UNC5A: variants seen among roughly 807,000 people sequenced by gnomAD.
UNC5A encodes the protein unc-5 netrin receptor A.
A neutral mutation model predicts 87.4 loss-of-function variants in UNC5A; 20 were observed. That is an observed-to-expected ratio of 0.23 (90% CI 0.16 to 0.33). The LOEUF is 0.33. Among genes scored for constraint, UNC5A ranks in the 10% least tolerant of loss-of-function variants. The probability of loss-of-function intolerance (pLI) is 1.00; values close to 1 mark genes in which losing one functional copy is unlikely to be tolerated. For synonymous variants in UNC5A, 438 were observed against 482.3 expected, an observed-to-expected ratio of 0.91 and a Z score of 1.20; for missense variants, 844 against 1,133.4, an observed-to-expected ratio of 0.74 and a Z score of 3.67.
intron 2 of UNC5A, 52 bp downstream of exon 2, chr5:176,862,897 G>A: frequency 6.2e-7 from 1 of 1,600,192 alleles, no homozygotes. Context: ...GCGAGTTTCG[G>A]CCCCCCCAGA....
intron 2 of UNC5A, among the ~76,000 whole-genome samples, chr5:176,863,225 T>A (rs1399815815): frequency 6.6e-6 from 1 of 151,544 alleles, no homozygotes; most frequent in Non-Finnish European, 1.5e-5. Context: ...GGAGGTGATG[T>A]GTTAACTGAG....
intron 2 of UNC5A, among the ~76,000 whole-genome samples, chr5:176,867,063 C>T (rs942615832): frequency 2.0e-5 from 3 of 152,090 alleles, no homozygotes; most frequent in African/African-American, 7.2e-5. Flanking sequence ...CTCAGCTGGG[C>T]GGCCGCTCTT....
At position 176,875,495 on chromosome 5, in the gene UNC5A, G is replaced by T. The variant is rs988297164; in HGVS notation, c.1378+929G>T. Among the ~76,000 whole-genome samples, 2 of 152,012 alleles carry T rather than the reference G, an allele frequency of 1.3e-5. No individual in the cohort carries two copies. The highest frequency in any genetic ancestry group is 4.8e-5 in the African/African-American group (2 of 41,384). ...CCCCGCCAGCTTCAGTCCCACGCCA[G>T]TCCCTCCTCAATAGCTCCTGCCACC... On this transcript the variant is annotated intron_variant, in intron 8 of 14. Transcript: ENST00000329542. The surrounding 1 kb of genome is among the most constrained non-coding windows in gnomAD (Gnocchi z 5.2).
intron 1 of UNC5A, among the ~76,000 whole-genome samples, chr5:176,835,094 G>A (rs757727521): frequency 7.9e-5 from 12 of 152,282 alleles, no homozygotes; most frequent in Admixed American, 2.0e-4. Context: ...TCTGCAGGCA[G>A]CGAGGCCAGG....
chr5:176,845,570 A>G (rs1037431690), intron 1 of UNC5A, among the ~76,000 whole-genome samples: 12 of 152,194 alleles, frequency 7.9e-5, no homozygotes, highest in Admixed American at 6.5e-4. Flanking sequence ...CCTGGCACAG[A>G]GCAAGCCTTC....
chr5:176,851,348 G>A (rs1266865811), intron 1 of UNC5A, among the ~76,000 whole-genome samples: 4 of 152,326 alleles, frequency 2.6e-5, no homozygotes, highest in East Asian at 1.9e-4. Context: ...AAGGGCAGGC[G>A]ACTGTGTAAC....
intron 1 of UNC5A, among the ~76,000 whole-genome samples, chr5:176,833,519 A>G (rs1306110665): frequency 4.6e-5 from 7 of 152,090 alleles, no homozygotes; most frequent in Non-Finnish European, 7.4e-5. Flanking sequence ...TATGTACCAC[A>G]TGTTCTTTAT....
At chr5:176,830,633 TGC>T (rs201471281) in intron 1 of UNC5A, among the ~76,000 whole-genome samples, 2,218 of 134,508 alleles carry the variant, frequency 0.016, 81 homozygotes, top group African/African-American at 0.059. Flanking sequence ...TGTGTGTGTG[TGC>T]GCTGGCGTGT....
chr5:176,822,149 G>A (rs1040466987), intron 1 of UNC5A, among the ~76,000 whole-genome samples: 3 of 152,270 alleles, frequency 2.0e-5, no homozygotes, highest in Non-Finnish European at 4.4e-5. Flanking sequence ...AGGATTAAAC[G>A]AGTCATTCTG....
intron 1 of UNC5A, among the ~76,000 whole-genome samples, chr5:176,846,513 C>A (rs1382135517): frequency 6.6e-6 from 1 of 152,174 alleles, no homozygotes; most frequent in Admixed American, 6.5e-5. Context: ...GCATCTTATA[C>A]AGCTTGGTGA....
chr5:176,864,386 T>C (rs73804254), intron 2 of UNC5A, among the ~76,000 whole-genome samples: 8,195 of 152,224 alleles, frequency 0.054, 377 homozygotes, highest in African/African-American at 0.12. Context: ...GCACTTGCAC[T>C]GTAGGAAGAC....
chr5:176,862,703 C>T lies in UNC5A; in HGVS notation c.150C>T (p.Pro50=), dbSNP rs746458783. The T allele has an allele frequency of 7.4e-6, 12 of 1,613,416 alleles. No homozygotes were observed. The highest frequency in any genetic ancestry group is 2.2e-5 in the South Asian group (2 of 91,082). The part of the protein sequence containing the change: ...PDLLPHFLVE[P]EDVYIVKNKP... Reference sequence around the variant, plus strand: ...TGCTTCCCCACTTCCTGGTGGAGCCCGAGGATGTGTACATCGTCAAGAACA... The same window carrying T: ...TGCTTCCCCACTTCCTGGTGGAGCCTGAGGATGTGTACATCGTCAAGAACA... The change falls in exon 2 of 15, where the codon CCC becomes CCT. Residue 50 remains proline (P), a synonymous_variant. Coordinates refer to ENST00000329542, the MANE Select transcript of UNC5A (RefSeq NM_133369.3).
At chr5:176,830,959 C>T (rs1188683440) in intron 1 of UNC5A, among the ~76,000 whole-genome samples, 3 of 137,794 alleles carry the variant, frequency 2.2e-5, no homozygotes, top group East Asian at 2.2e-4. Flanking sequence ...TATGTGCCGG[C>T]GTGTGTGTGT....
rs35306601 is a variant in UNC5A, at chr5:176,827,179, C to CTTT, written c.70+16378_70+16380dup. ...GAAAGCATGCATCACTGCTTCATTCCTTTTTTTTTTTTTTTTTTTTTGAGA... is the reference window on the plus strand; with the variant it reads ...GAAAGCATGCATCACTGCTTCATTCCTTTTTTTTTTTTTTTTTTTTTTTTGAGA... On this transcript the variant is annotated intron_variant, in intron 1 of 14. Coordinates refer to ENST00000329542, the MANE Select transcript of UNC5A (RefSeq NM_133369.3). Among the ~76,000 whole-genome samples the CTTT allele has an allele frequency of 3.1e-3, 338 of 107,508 alleles. 1 individual carries two copies. The highest frequency in any genetic ancestry group is 3.6e-3 in the Non-Finnish European group (211 of 58,196). 70.5% of individuals were successfully genotyped at this position (107,508 alleles called of 152,430 possible).
At position 176,878,043 on chromosome 5, in the gene UNC5A, G is replaced by T; in HGVS notation, c.1785G>T (p.Leu595=). The T allele has an allele frequency of 6.2e-7, 1 of 1,609,396 alleles. No homozygotes were observed. The change falls in exon 11 of 15, where the codon CTG becomes CTT. Residue 595 remains leucine (L), a synonymous_variant. Transcript: ENST00000329542. ...LSVAAAKRLK[L]LLFAPVACTS... The stretch of plus-strand genomic sequence containing the variant: ...TGGCTGCCGCCAAGCGCCTCAAGCT[G>T]CTTCTGTTTGCGCCGGTGGCCTGCA...
rs746436316 is a variant in UNC5A, at chr5:176,875,266, G to A, written c.1378+700G>A. Reference sequence around the variant, plus strand: ...TCCTTAGCCTGCAGTTCTCCCGGGCGACAGAACTGTACACCCAGCTGCCTC... The same window carrying A: ...TCCTTAGCCTGCAGTTCTCCCGGGCAACAGAACTGTACACCCAGCTGCCTC... On this transcript the variant is annotated intron_variant, in intron 8 of 14. Transcript: ENST00000329542. This position sits in a 1 kb window ranked among gnomAD's most constrained non-coding sequence, Gnocchi z 5.2. Among the ~76,000 whole-genome samples the A allele has an allele frequency of 5.9e-5, 9 of 152,096 alleles. No homozygotes were observed. The highest frequency in any genetic ancestry group is 1.7e-4 in the African/African-American group (7 of 41,402).
In UNC5A at chr5:176,865,641, CCCACGGCAGATA is replaced by C; in HGVS notation, c.293-2479_293-2468del. On this transcript the variant is annotated intron_variant, in intron 2 of 14. Transcript: ENST00000329542. The surrounding 1 kb of genome is among the most constrained non-coding windows in gnomAD (Gnocchi z 5.3). Reference sequence around the variant, plus strand: ...GAGGTGAAGAAAAAGGCTTTCCTTACCCACGGCAGATACCACGGCAGTGGCGCCACGCCGCCA... The same window carrying C: ...GAGGTGAAGAAAAAGGCTTTCCTTACCCACGGCAGTGGCGCCACGCCGCCA... 2.2e-6 allele frequency: 1 copy of C among 456,774 alleles called. No individual in the cohort carries two copies. The highest frequency in any genetic ancestry group is 1.5e-5 in the South Asian group (1 of 64,576). The allele number at this position is 456,774 out of a possible 1,614,324, so 28.3% of individuals were successfully genotyped here. A position where few individuals can be genotyped will look rare whatever the true frequency, so the allele number is the denominator to read the frequency against.
intron 1 of UNC5A, among the ~76,000 whole-genome samples, chr5:176,843,305 G>A (rs1265344803): frequency 6.6e-6 from 1 of 152,276 alleles, no homozygotes; most frequent in Non-Finnish European, 1.5e-5. Context: ...CGCTGCCGTG[G>A]GTTCAGGCCA....
At chr5:176,827,571 C>T (rs151291941) in intron 1 of UNC5A, among the ~76,000 whole-genome samples, 2 of 152,278 alleles carry the variant, frequency 1.3e-5, no homozygotes, top group East Asian at 1.9e-4. Flanking sequence ...ACATTTGGGT[C>T]GTTTCTACCT....
Sources: gnomAD v4.1 joint callset for allele counts (sites outside exome capture counted in the v4.1 genomes callset) on GRCh38, gnomAD v4.1.1 for gene constraint, Gnocchi (gnomAD v3.1) non-coding constraint, MANE v1.5 for transcripts, NCBI Gene and HGNC (gene_info 2026-07-23, HGNC 2026-07-21) for gene names.